The following TNRC6B variants were observed in gnomAD, a reference collection of about 807,000 sequenced individuals.
TNRC6B encodes the protein trinucleotide repeat-containing gene 6B protein.
A neutral mutation model predicts 203.6 loss-of-function variants in TNRC6B; 52 were observed. That is an observed-to-expected ratio of 0.26 (90% CI 0.20 to 0.32). The LOEUF is 0.32. Ranked by LOEUF, TNRC6B falls within the 10% of genes least tolerant of loss-of-function variation. The pLI is 1.00. For synonymous variants in TNRC6B, 838 were observed against 845.7 expected (o/e 0.99, Z 0.16); for missense variants, 1,923 against 2,286.2 (o/e 0.84, Z 3.24).
intron 3 of TNRC6B, among the ~76,000 whole-genome samples, chr22:40,154,840 C>CAAAAAAA (rs57206167): frequency 3.4e-5 from 1 of 29,236 alleles, no homozygotes; most frequent in Admixed American, 5.8e-4. Context: ...GACTCTATCT[C>CAAAAAAA]AAAAAAAAAA....
At chr22:40,051,923 G>A (rs1036641100) in intron 1 of TNRC6B, among the ~76,000 whole-genome samples, 3 of 152,168 alleles carry the variant, frequency 2.0e-5, no homozygotes, top group African/African-American at 7.2e-5. Context: ...AATCTGGAGT[G>A]TATTTTTCGC....
chr22:40,227,484 G>A (rs2069807032), intron 1 of TNRC6B, among the ~76,000 whole-genome samples: 1 of 150,104 alleles, frequency 6.7e-6, no homozygotes, highest in East Asian at 2.0e-4. Flanking sequence ...CAAGTAGCTG[G>A]GATTACAGGT....
intron 1 of TNRC6B, among the ~76,000 whole-genome samples, chr22:40,188,463 A>G (rs1382810427): frequency 6.6e-6 from 1 of 152,134 alleles, no homozygotes; most frequent in Non-Finnish European, 1.5e-5. Flanking sequence ...TTGGTTATTC[A>G]TTTATGCTTT....
chr22:40,279,528 C>G (rs149540470), intron 9 of TNRC6B, among the ~76,000 whole-genome samples: 1 of 152,270 alleles, frequency 6.6e-6, no homozygotes, highest in East Asian at 1.9e-4. Flanking sequence ...AACCACTGTG[C>G]CTCTTTGATC....
chr22:40,331,557 G>A lies in TNRC6B; in HGVS notation c.*8316G>A. The A allele has an allele frequency of 2.7e-6, 1 of 376,176 alleles. No individual in the cohort carries two copies. Among genetic ancestry groups the A allele is most frequent in the Non-Finnish European group, 4.7e-6 (1 of 210,936 alleles). The allele number at this position is 376,176 out of a possible 1,614,324, so 23.3% of individuals were successfully genotyped here. A position where few individuals can be genotyped will look rare whatever the true frequency, so the allele number is the denominator to read the frequency against. On this transcript the variant is annotated 3_prime_UTR_variant, in exon 23 of 23. Coordinates refer to ENST00000454349, the MANE Select transcript of TNRC6B (RefSeq NM_001162501.2). ...CAGGGAGGAGAGATGCTGCTTCTGC[G>A]CTTTGCTCTCATTCCTCTCTCATGG...
intron 1 of TNRC6B, among the ~76,000 whole-genome samples, chr22:40,088,631 T>TG (rs1569256208): frequency 5.3e-5 from 8 of 149,694 alleles, no homozygotes; most frequent in African/African-American, 7.5e-5. Context: ...TGTGTGTGTG[T>TG]TTTAGTAGAG....
At chr22:40,143,629 T>A (rs1337399660) in intron 3 of TNRC6B, among the ~76,000 whole-genome samples, 2 of 152,082 alleles carry the variant, frequency 1.3e-5, no homozygotes, top group African/African-American at 4.8e-5. Flanking sequence ...TCTGAGTAGC[T>A]GGGACTACAG....
intron 3 of TNRC6B, among the ~76,000 whole-genome samples, chr22:40,134,884 A>G (rs1356539054): frequency 2.0e-5 from 3 of 152,236 alleles, no homozygotes; most frequent in Non-Finnish European, 4.4e-5. Context: ...TTAAGACTCC[A>G]TTACCAAGAC....
rs181126891 is a variant in TNRC6B, at chr22:40,068,725, G to A, written c.-121+23727G>A. On this transcript the variant is annotated intron_variant, in intron 1 of 23. Transcript: ENST00000301923. ...AATTCTGTGTTTTGTTTAAGTAAAA[G>A]GAAGGTTACAACAGGAAAATCTTCT... Among the ~76,000 whole-genome samples, 21 of 152,002 alleles carry A rather than the reference G, an allele frequency of 1.4e-4. No individual in the cohort carries two copies. In the East Asian group the frequency reaches 3.3e-3, roughly 24 times the overall value.
chr22:40,154,575 T>C (rs1047708211), intron 3 of TNRC6B, among the ~76,000 whole-genome samples: 9 of 151,204 alleles, frequency 6.0e-5, no homozygotes, highest in African/African-American at 2.2e-4. Flanking sequence ...GCGTGGTGGC[T>C]CACGCCTGTA....
At chr22:40,094,078 A>T (rs918936484) in intron 1 of TNRC6B, among the ~76,000 whole-genome samples, 1 of 152,288 alleles carries the variant, frequency 6.6e-6, no homozygotes, top group African/African-American at 2.4e-5. Context: ...AATGTATACA[A>T]CTATTATGTA....
chr22:40,065,892 A>G (rs8141496), intron 1 of TNRC6B, among the ~76,000 whole-genome samples: 6,732 of 152,112 alleles, frequency 0.044, 486 homozygotes, highest in African/African-American at 0.15. Context: ...TGAGTTCCAA[A>G]GATTGTTTCT....
At chr22:40,121,751 A>G (rs550754391) in intron 2 of TNRC6B, among the ~76,000 whole-genome samples, 5 of 152,252 alleles carry the variant, frequency 3.3e-5, no homozygotes, top group African/African-American at 1.2e-4. Context: ...AAAGCCCCCA[A>G]CCCTTTGCTA....
At chr22:40,143,686 C>G (rs535807012) in intron 3 of TNRC6B, among the ~76,000 whole-genome samples, 1 of 152,100 alleles carries the variant, frequency 6.6e-6, no homozygotes, top group Non-Finnish European at 1.5e-5. Flanking sequence ...TTAGTAGAGA[C>G]AGGGTTTCAC....
At chr22:40,154,027 C>T (rs1456507954) in intron 3 of TNRC6B, among the ~76,000 whole-genome samples, 1 of 151,308 alleles carries the variant, frequency 6.6e-6, no homozygotes, top group East Asian at 1.9e-4. Context: ...GACTGGAGTG[C>T]AGTGGCTATT....
At chr22:40,154,858 AAAATATATATATATATATATAT>A (rs1176533955) in intron 3 of TNRC6B, among the ~76,000 whole-genome samples, 3 of 34,308 alleles carry the variant, frequency 8.7e-5, no homozygotes, top group East Asian at 5.5e-4. Flanking sequence ...AAAAAAAAAA[AAAATATATATATATATATATAT>A]ATATATATAT....
At chr22:40,281,918 T>G (rs1424952204) in intron 11 of TNRC6B, among the ~76,000 whole-genome samples, 1 of 152,208 alleles carries the variant, frequency 6.6e-6, no homozygotes, top group Non-Finnish European at 1.5e-5. Context: ...CAGGCAGGCC[T>G]GGGAGGATCA....
rs2068927366 is a variant in TNRC6B, at chr22:40,167,200, TC to T, written c.113+11020del. ...TGAAAACCACATAAATTTAGTTTAT[TC>T]CATTGAACCCGAAACAAAAGTATCC... On this transcript the variant is annotated intron_variant, in intron 4 of 23. Coordinates refer to the TNRC6B transcript ENST00000301923. Among the ~76,000 whole-genome samples, 5 of 152,300 alleles carry T rather than the reference TC, an allele frequency of 3.3e-5. No individual in the cohort carries two copies. In the South Asian group the frequency reaches 1.0e-3, roughly 32 times the overall value.
chr22:40,260,163 A>G (rs893286061), intron 3 of TNRC6B, among the ~76,000 whole-genome samples: 1 of 151,978 alleles, frequency 6.6e-6, no homozygotes, highest in Non-Finnish European at 1.5e-5. Context: ...AAGTATTTAC[A>G]TTTTGAAATT....
Sources: gnomAD v4.1 joint callset for allele counts (sites outside exome capture counted in the v4.1 genomes callset) on GRCh38, gnomAD v4.1.1 for gene constraint, MANE v1.5 for transcripts, NCBI Gene and HGNC (gene_info 2026-07-23, HGNC 2026-07-21) for gene names.